Variants in PPP2R3A observed in about 807,000 individuals in gnomAD.
The protein encoded by PPP2R3A is serine/threonine-protein phosphatase 2A regulatory subunit B'' subunit alpha.
PPP2R3A carries 80 observed loss-of-function variants against 106.9 expected under a neutral mutation model. The ratio of observed to expected loss-of-function variants is 0.75; its 90% confidence interval spans 0.62 to 0.90. The LOEUF is 0.90. Ranked by LOEUF, PPP2R3A falls within the 40% of genes least tolerant of loss-of-function variation. PPP2R3A has a pLI of 0.00. For missense variants in PPP2R3A, 1,386 were observed against 1,350.4 expected (o/e 1.03, Z -0.41); for synonymous variants, 483 against 468.3 (o/e 1.03, Z -0.41).
chr3:136,025,300 GT>G (rs1934607833), intron 2 of PPP2R3A, among the ~76,000 whole-genome samples: 1 of 152,074 alleles, frequency 6.6e-6, no homozygotes, highest in African/African-American at 2.4e-5. Flanking sequence ...AGCCATCAGT[GT>G]TTTAAGTTTT....
intron 7 of PPP2R3A, chr3:136,079,178 T>C (rs780128157): frequency 2.2e-6 from 1 of 455,128 alleles, no homozygotes; most frequent in East Asian, 6.9e-5. Flanking sequence ...AAATTAGCAG[T>C]CCATGATGGA....
chr3:136,026,636 C>T (rs1201386530), intron 2 of PPP2R3A, among the ~76,000 whole-genome samples, 196 bp from the exon 3 acceptor site: 5 of 152,054 alleles, frequency 3.3e-5, no homozygotes, highest in Non-Finnish European at 5.9e-5. Context: ...AACTTGAGTA[C>T]TGGCAGATAA....
At chr3:136,105,428 C>A (rs1937491542) in intron 12 of PPP2R3A, among the ~76,000 whole-genome samples, 1 of 152,154 alleles carries the variant, frequency 6.6e-6, no homozygotes, top group South Asian at 2.1e-4. Flanking sequence ...GGGTTCAAGA[C>A]CAGCCTGGGC....
At chr3:136,068,847 A>G (rs1347639907) in intron 5 of PPP2R3A, among the ~76,000 whole-genome samples, 1 of 152,202 alleles carries the variant, frequency 6.6e-6, no homozygotes, top group East Asian at 1.9e-4. Context: ...AGACATACCA[A>G]CATCACATAC....
At chr3:135,992,346 G>T (rs1047369942) in intron 1 of PPP2R3A, among the ~76,000 whole-genome samples, 3 of 151,952 alleles carry the variant, frequency 2.0e-5, no homozygotes, top group Non-Finnish European at 4.4e-5. Context: ...GTTTTTTTCT[G>T]CTCCTAGTCT....
intron 5 of PPP2R3A, among the ~76,000 whole-genome samples, chr3:136,059,166 A>T (rs1184903191): frequency 6.6e-6 from 1 of 152,200 alleles, no homozygotes; most frequent in Non-Finnish European, 1.5e-5. Flanking sequence ...GAGCTTCTGC[A>T]CAGCAAAAGA....
intron 6 of PPP2R3A, 101 bp downstream of exon 6, chr3:136,070,653 G>T: frequency 4.8e-6 from 4 of 834,890 alleles, no homozygotes; most frequent in South Asian, 2.7e-5. Flanking sequence ...AGGTAACATG[G>T]GTTATAATGA....
intron 13 of PPP2R3A, among the ~76,000 whole-genome samples, chr3:136,117,367 A>G (rs1029787027): frequency 1.3e-5 from 2 of 152,218 alleles, no homozygotes; most frequent in African/African-American, 4.8e-5. Flanking sequence ...GCAGAAGCCA[A>G]GAAATAAGTA....
At chr3:136,021,200 AAG>A (rs1332009846) in intron 2 of PPP2R3A, among the ~76,000 whole-genome samples, 4 of 152,056 alleles carry the variant, frequency 2.6e-5, no homozygotes, top group Non-Finnish European at 4.4e-5. Flanking sequence ...GAGGGAGAAA[AAG>A]AGTATTCTAG....
chr3:136,127,704 A>G (rs1282475867), intron 13 of PPP2R3A, among the ~76,000 whole-genome samples: 3 of 152,176 alleles, frequency 2.0e-5, no homozygotes, highest in Non-Finnish European at 4.4e-5. Flanking sequence ...CCCAAGACAC[A>G]TAATTGTCAG....
intron 13 of PPP2R3A, among the ~76,000 whole-genome samples, chr3:136,142,337 C>T (rs1056572858): frequency 6.6e-6 from 1 of 152,152 alleles, no homozygotes; most frequent in Non-Finnish European, 1.5e-5. Context: ...AAGACACAGA[C>T]ATGTCTCCAG....
intron 2 of PPP2R3A, among the ~76,000 whole-genome samples, chr3:136,014,750 GTA>G (rs1934212337): frequency 6.6e-6 from 1 of 151,854 alleles, no homozygotes; most frequent in African/African-American, 2.4e-5. Context: ...GGTTTTCCAG[GTA>G]TATGATCATA....
chr3:136,005,514 C>G (rs1388071698), intron 2 of PPP2R3A, among the ~76,000 whole-genome samples: 1 of 152,082 alleles, frequency 6.6e-6, no homozygotes, highest in Non-Finnish European at 1.5e-5. Context: ...TGTGAAATTA[C>G]TTTGTGTGAA....
chr3:136,111,180 T>A (rs894991556), intron 13 of PPP2R3A, among the ~76,000 whole-genome samples: 59 of 152,244 alleles, frequency 3.9e-4, no homozygotes, highest in African/African-American at 1.4e-3. Context: ...ATAGTAAAAA[T>A]TATTCTTAGG....
intron 1 of PPP2R3A, among the ~76,000 whole-genome samples, chr3:135,983,181 AT>A (rs1937561768): frequency 6.6e-6 from 1 of 152,132 alleles, no homozygotes; most frequent in African/African-American, 2.4e-5. Flanking sequence ...AGTAATCTGC[AT>A]TTTCTTCTTA....
chr3:136,041,266 T>TTTTTTTTTTTTTTTG, intron 4 of PPP2R3A, among the ~76,000 whole-genome samples: 1 of 129,082 alleles, frequency 7.7e-6, no homozygotes, highest in Non-Finnish European at 1.7e-5. Flanking sequence ...TTTTTTGTTT[T>TTTTTTTTTTTTTTTG]TTTTTTTTTG....
chr3:136,139,292 A>G lies in PPP2R3A; in HGVS notation c.3330-5751A>G, dbSNP rs1363960074. Among the ~76,000 whole-genome samples the G allele has an allele frequency of 2.0e-5, 3 of 152,196 alleles. No individual in the cohort carries two copies. The East Asian group carries it at 5.8e-4, about 29-fold the overall frequency. On this transcript the variant is annotated intron_variant, in intron 13 of 13. Transcript: ENST00000264977. ...TAATGCTTTTGCCCAGAAACTGCTC[A>G]TCTGAAAGGGAAGACTTACTTAGGG...
At chr3:135,995,859 T>C (rs1206346016) in intron 1 of PPP2R3A, among the ~76,000 whole-genome samples, 3 of 152,202 alleles carry the variant, frequency 2.0e-5, no homozygotes, top group Admixed American at 2.0e-4. Flanking sequence ...TTCTAGAATT[T>C]CATCTATTCG....
intron 8 of PPP2R3A, among the ~76,000 whole-genome samples, chr3:136,083,618 A>G (rs945304107): frequency 6.6e-6 from 1 of 152,222 alleles, no homozygotes; most frequent in Admixed American, 6.5e-5. Flanking sequence ...GATACCCGAA[A>G]ATGTGGAAGG....
Sources: gnomAD v4.1 joint callset for allele counts (sites outside exome capture counted in the v4.1 genomes callset) on GRCh38, gnomAD v4.1.1 for gene constraint, MANE v1.5 for transcripts, NCBI Gene and HGNC (gene_info 2026-07-23, HGNC 2026-07-21) for gene names.